EML4: variants seen among roughly 807,000 people sequenced by gnomAD.
EML4 encodes echinoderm microtubule-associated protein-like 4.
EML4 carries 72 observed loss-of-function variants against 129.0 expected under a neutral mutation model. The observed-to-expected ratio is 0.56, with a 90% CI of 0.46 to 0.68. EML4 has a LOEUF of 0.68. Among genes scored for constraint, EML4 ranks in the 30% least tolerant of loss-of-function variants. The pLI, the probability that EML4 is intolerant of heterozygous loss-of-function variation, is 0.00. For synonymous variants in EML4, 532 were observed against 405.0 expected, an observed-to-expected ratio of 1.31 and a Z score of -3.77; for missense variants, 1,363 against 1,190.6, an observed-to-expected ratio of 1.14 and a Z score of -2.13.
At chr2:42,204,927 G>A (rs1032041504) in intron 1 of EML4, among the ~76,000 whole-genome samples, 10 of 152,016 alleles carry the variant, frequency 6.6e-5, no homozygotes, top group Non-Finnish European at 1.5e-5. Context: ...AAGATTATGG[G>A]GTCCCTTTAA....
intron 2 of EML4, among the ~76,000 whole-genome samples, chr2:42,252,560 A>G (rs1366253635): frequency 2.6e-5 from 4 of 152,138 alleles, no homozygotes; most frequent in Admixed American, 2.6e-4. Flanking sequence ...AGTCTGCATC[A>G]TCTGAATGCT....
At chr2:42,282,688 G>A (rs183096639) in intron 7 of EML4, 135 bp from the exon 8 acceptor site, 44 of 770,280 alleles carry the variant, frequency 5.7e-5, no homozygotes, top group East Asian at 5.4e-4. Context: ...CACTCTGCCC[G>A]TCCAGGACAT....
At chr2:42,264,809 T>C in intron 6 of EML4, 78 bp downstream of exon 6, 2 of 1,391,576 alleles carry the variant, frequency 1.4e-6, no homozygotes, top group Non-Finnish European at 2.0e-6. Context: ...AATATTTTCA[T>C]CCAGTGCACT....
At chr2:42,253,787 G>A (rs1266374306) in intron 2 of EML4, among the ~76,000 whole-genome samples, 1 of 152,156 alleles carries the variant, frequency 6.6e-6, no homozygotes, top group Admixed American at 6.5e-5. Context: ...AATTAAGCAA[G>A]ATGGATCATA....
intron 1 of EML4, among the ~76,000 whole-genome samples, chr2:42,204,629 A>C (rs913052969): frequency 2.0e-5 from 3 of 152,228 alleles, no homozygotes; most frequent in Admixed American, 2.0e-4. Flanking sequence ...AAATGTAAAA[A>C]ATCATTCTTA....
intron 1 of EML4, among the ~76,000 whole-genome samples, chr2:42,231,737 C>T (rs919758796): frequency 1.3e-5 from 2 of 152,144 alleles, no homozygotes; most frequent in African/African-American, 4.8e-5. Context: ...ATCACGAGGT[C>T]AGGAGATCGA....
chr2:42,248,334 CA>C (rs1167685482), intron 2 of EML4, among the ~76,000 whole-genome samples: 2 of 152,002 alleles, frequency 1.3e-5, no homozygotes, highest in Admixed American at 1.3e-4. Context: ...TAAGGTATTT[CA>C]GTAAAGAAAA....
chr2:42,252,052 G>C (rs1001238145), intron 2 of EML4, among the ~76,000 whole-genome samples: 1 of 152,170 alleles, frequency 6.6e-6, no homozygotes, highest in African/African-American at 2.4e-5. Flanking sequence ...TAAAATTACA[G>C]TTTTAGAGAG....
chr2:42,228,731 A>G (rs977236419), intron 1 of EML4, among the ~76,000 whole-genome samples: 3 of 152,158 alleles, frequency 2.0e-5, no homozygotes, highest in Non-Finnish European at 4.4e-5. Context: ...TTTTCTGTAT[A>G]TATCTGTCAG....
intron 6 of EML4, among the ~76,000 whole-genome samples, chr2:42,273,054 G>T (rs901992093): frequency 2.6e-5 from 4 of 152,230 alleles, no homozygotes; most frequent in South Asian, 2.1e-4. Flanking sequence ...CAGAGCCAGG[G>T]TGTTAAATAT....
intron 1 of EML4, among the ~76,000 whole-genome samples, chr2:42,234,418 C>A (rs1481618988): frequency 1.3e-5 from 2 of 152,164 alleles, no homozygotes; most frequent in Non-Finnish European, 2.9e-5. Context: ...TGCCTTGTCT[C>A]GCTTCAGTGT....
intron 19 of EML4, among the ~76,000 whole-genome samples, chr2:42,323,622 C>T (rs565898462): frequency 6.6e-6 from 1 of 152,208 alleles, no homozygotes; most frequent in South Asian, 2.1e-4. Flanking sequence ...CCCTAAGGTA[C>T]ACTGAATTTG....
chr2:42,210,646 A>C (rs1353925250), intron 1 of EML4, among the ~76,000 whole-genome samples: 3 of 152,144 alleles, frequency 2.0e-5, no homozygotes, highest in African/African-American at 7.2e-5. Flanking sequence ...TAATTTTTTC[A>C]GTCATTTATT....
At chr2:42,219,501 T>G (rs944579017) in intron 1 of EML4, among the ~76,000 whole-genome samples, 9 of 152,220 alleles carry the variant, frequency 5.9e-5, no homozygotes, top group African/African-American at 2.2e-4. Flanking sequence ...GTTTCTACAT[T>G]TAATTTTTCT....
At chr2:42,281,750 TA>T (rs1417640121) in intron 7 of EML4, among the ~76,000 whole-genome samples, 2 of 152,226 alleles carry the variant, frequency 1.3e-5, no homozygotes, top group African/African-American at 4.8e-5. Flanking sequence ...GACTTTTTTT[TA>T]AATGACTGTT....
At chr2:42,219,068 C>A (rs1299326010) in intron 1 of EML4, among the ~76,000 whole-genome samples, 1 of 152,188 alleles carries the variant, frequency 6.6e-6, no homozygotes, top group Non-Finnish European at 1.5e-5. Context: ...TCAGTGACAT[C>A]ATTTACACAC....
chr2:42,169,783 C>A, intron 1 of EML4, 147 bp downstream of exon 1: 3 of 850,618 alleles, frequency 3.5e-6, no homozygotes, highest in Non-Finnish European at 5.1e-6. Context: ...GCCGCCCCTC[C>A]GCGGACTCCG....
chr2:42,172,113 C>T (rs1670318265), intron 1 of EML4, among the ~76,000 whole-genome samples: 1 of 151,638 alleles, frequency 6.6e-6, no homozygotes, highest in Admixed American at 6.6e-5. Flanking sequence ...GGGGTTACAA[C>T]TATTGAAAGC....
chr2:42,196,168 A>G (rs1671885019), intron 1 of EML4, among the ~76,000 whole-genome samples: 1 of 152,210 alleles, frequency 6.6e-6, no homozygotes, highest in East Asian at 1.9e-4. Context: ...CCTAGCGTTC[A>G]TTCAGTCATT....
Sources: gnomAD v4.1 joint callset for allele counts (sites outside exome capture counted in the v4.1 genomes callset) on GRCh38, gnomAD v4.1.1 for gene constraint, MANE v1.5 for transcripts, NCBI Gene and HGNC (gene_info 2026-07-23, HGNC 2026-07-21) for gene names.